The following APOL4 variants were observed in gnomAD, a reference collection of about 807,000 sequenced individuals.
APOL4 encodes apolipoprotein L, 4.
A neutral mutation model predicts 12.1 loss-of-function variants in APOL4; 14 were observed. That is an observed-to-expected ratio of 1.16 (90% CI 0.76 to 1.81). APOL4 has a LOEUF of 1.81. APOL4 is among the 40% of genes most tolerant of loss of function. The pLI, the probability that APOL4 is intolerant of heterozygous loss-of-function variation, is 0.00. For synonymous variants in APOL4, 171 were observed against 160.6 expected (o/e 1.06, Z -0.49); for missense variants, 432 against 423.1 (o/e 1.02, Z -0.18).
intron 1 of APOL4, 69 bp from the exon 2 acceptor site, chr22:36,199,445 G>A: frequency 6.2e-7 from 1 of 1,613,018 alleles, no homozygotes; most frequent in South Asian, 1.1e-5. Flanking sequence ...GGCTTGAACA[G>A]CTGGGCCTCT....
In APOL4 at chr22:36,201,791, T is replaced by G; in HGVS notation, c.-57A>C. 6.3e-7 allele frequency: 1 copy of G among 1,583,134 alleles called. No homozygotes were observed. Among genetic ancestry groups the G allele is most frequent in the Non-Finnish European group, 8.6e-7 (1 of 1,164,202 alleles). On this transcript the variant is annotated 5_prime_UTR_variant, in exon 1 of 4. Coordinates refer to ENST00000683024, the MANE Select transcript of APOL4 (RefSeq NM_001386885.1). ...GCTGATCTGGGGCCTCTGCTGAATG[T>G]TGAGGCTGGATACTGACTGTTAGCC...
At chr22:36,197,421 G>T in intron 2 of APOL4, 1 of 537,774 alleles carries the variant, frequency 1.9e-6, no homozygotes, top group Non-Finnish European at 2.9e-6. Flanking sequence ...TCACCAAAAG[G>T]AGGAAGGAAA....
At chr22:36,193,998 G>A (rs1186011008) in intron 3 of APOL4, among the ~76,000 whole-genome samples, 1 of 152,176 alleles carries the variant, frequency 6.6e-6, no homozygotes, top group Non-Finnish European at 1.5e-5. Context: ...TTTCATGGAA[G>A]CTCTTGAGGA....
chr22:36,190,356 T>C lies in APOL4; in HGVS notation c.*719A>G, dbSNP rs564333935. On this transcript the variant is annotated 3_prime_UTR_variant, in exon 4 of 4. Transcript: ENST00000683024. ...ATGAGGTTTCGGGCACCATTGTCAT[T>C]GATAACATCTTATCAGGAGACAGGG... 67 of 152,358 alleles carry C rather than the reference T, an allele frequency of 4.4e-4. No individual in the cohort carries two copies. The highest frequency in any genetic ancestry group is 1.6e-3 in the African/African-American group (65 of 41,578). 9.4% of individuals were successfully genotyped at this position (152,358 alleles called of 1,614,324 possible).
chr22:36,191,876 A>G lies in APOL4; in HGVS notation c.246T>C (p.Asn82=), dbSNP rs888584406. The change falls in exon 4 of 4, where the codon AAT becomes AAC. Residue 82 remains asparagine (N), a synonymous_variant. Coordinates refer to ENST00000683024, the MANE Select transcript of APOL4 (RefSeq NM_001386885.1). ...CCTCAATAGCCACATATGGTGTAAG[A>G]TTCTTCAGAGCTTCATAGAGAGCAT... ...EADALYEALK[N]LTPYVAIEDK... 1 of 1,609,792 alleles carries G rather than the reference A, an allele frequency of 6.2e-7. No homozygotes were observed. The highest frequency in any genetic ancestry group is 8.5e-7 in the Non-Finnish European group (1 of 1,179,350).
At chr22:36,197,156 GCCCAGC>G (rs1293230801) in intron 2 of APOL4, among the ~76,000 whole-genome samples, 1 of 151,934 alleles carries the variant, frequency 6.6e-6, no homozygotes, top group Non-Finnish European at 1.5e-5. Flanking sequence ...TGGCCGCCCA[GCCCAGC>G]CCTTCCTAAG....
In APOL4 at chr22:36,191,368, C is replaced by G; in HGVS notation, c.754G>C (p.Ala252Pro). The change falls in exon 4 of 4, where the codon GCC (alanine) becomes CCC (proline). Residue 252 changes from alanine (A) to proline (P), a missense_variant. By Grantham distance (27) the Ala-to-Pro change is conservative. Coordinates refer to ENST00000683024, the MANE Select transcript of APOL4 (RefSeq NM_001386885.1). ...GCAATCAAAGGGCGTCCAACAGTGG[C>G]TTTAGATCTCCTGAGTGTATGGACA... ...NDVHTLRRSK[A>P]TVGRPLIAWR... The G allele has an allele frequency of 1.2e-6, 2 of 1,614,046 alleles. No homozygotes were observed. The highest frequency in any genetic ancestry group is 2.2e-5 in the South Asian group (2 of 91,084).
chr22:36,200,646 C>T (rs2014543975), intron 1 of APOL4, among the ~76,000 whole-genome samples: 1 of 152,200 alleles, frequency 6.6e-6, no homozygotes, highest in Non-Finnish European at 1.5e-5. Flanking sequence ...ATTTTATTTC[C>T]TTAAGATATT....
rs140403546 is a variant in APOL4, at chr22:36,195,531, C to G, written c.83-94G>C. 7.5e-4 allele frequency: 1,071 copies of G among 1,421,514 alleles called. 8 individuals carry two copies. In the African/African-American group the frequency reaches 0.013, roughly 18 times the overall value. 88.1% of individuals were successfully genotyped at this position (1,421,514 alleles called of 1,614,324 possible). On this transcript the variant is annotated intron_variant, in intron 2 of 3. Transcript: ENST00000683024. ...GTGGTTCGGTGTTAATCCTCCTGAACCAGCTGTCACATGGGGTATTTTTGA... is the reference window on the plus strand; with the variant it reads ...GTGGTTCGGTGTTAATCCTCCTGAAGCAGCTGTCACATGGGGTATTTTTGA...
intron 3 of APOL4, among the ~76,000 whole-genome samples, chr22:36,192,722 T>C (rs1357182294): frequency 1.3e-5 from 2 of 152,114 alleles, no homozygotes. Context: ...GTTTCCCTGG[T>C]GGTTTGGCTA....
intron 1 of APOL4, among the ~76,000 whole-genome samples, chr22:36,200,820 C>T (rs919521558): frequency 2.0e-5 from 3 of 152,074 alleles, no homozygotes; most frequent in African/African-American, 7.2e-5. Context: ...TTTATCAGGA[C>T]AAAAAATATA....
At chr22:36,200,161 G>A (rs1414029269) in intron 1 of APOL4, among the ~76,000 whole-genome samples, 1 of 152,176 alleles carries the variant, frequency 6.6e-6, no homozygotes, top group African/African-American at 2.4e-5. Flanking sequence ...ACACAGCCCG[G>A]GAGATGGGTA....
At chr22:36,192,326 C>T (rs889120520) in intron 3 of APOL4, among the ~76,000 whole-genome samples, 2 of 151,974 alleles carry the variant, frequency 1.3e-5, no homozygotes, top group Admixed American at 6.6e-5. Flanking sequence ...GGCGACAGAG[C>T]GAGACTCCAT....
In APOL4 at chr22:36,191,829, T is replaced by C. The variant is rs2014264577; in HGVS notation, c.293A>G (p.Glu98Gly). Residue 98 changes from glutamate (E) to glycine (G), a missense_variant, in exon 4 of 4, where the codon GAA (glutamate) becomes GGA (glycine). Physicochemically the swap from Glu to Gly is moderately conservative, Grantham distance 98. Coordinates refer to ENST00000683024, the MANE Select transcript of APOL4 (RefSeq NM_001386885.1). ...CAAAAACCACTCCCTAAACTGCTGT[T>C]CTTTTTGCTGCATGTCTTTGTCCTC... ...AIEDKDMQQK[E>G]QQFREWFLKE... 6.2e-7 allele frequency: 1 copy of C among 1,613,832 alleles called. No homozygotes were observed. Among genetic ancestry groups the C allele is most frequent in the African/African-American group, 1.3e-5 (1 of 74,916 alleles).
chr22:36,202,703 G>T (rs1171358237), upstream of APOL4, among the ~76,000 whole-genome samples: 1 of 151,500 alleles, frequency 6.6e-6, no homozygotes, highest in Non-Finnish European at 1.5e-5. Context: ...TCCAGCCTGG[G>T]CAACAGAGCG....
intron 2 of APOL4, among the ~76,000 whole-genome samples, chr22:36,198,993 G>A (rs1396080275): frequency 6.6e-6 from 1 of 152,220 alleles, no homozygotes; most frequent in Non-Finnish European, 1.5e-5. Flanking sequence ...GCTACTCCTG[G>A]CCAACCCTCA....
chr22:36,204,639 CCT>C (rs2014674883), upstream of APOL4: 1 of 727,984 alleles, frequency 1.4e-6, no homozygotes, highest in African/African-American at 1.9e-5. Context: ...AAGGGATCTT[CCT>C]CTGACAGAGA....
At chr22:36,201,916 C>T (rs986509015), upstream of APOL4, 1 of 1,610,778 alleles carries the variant, frequency 6.2e-7, no homozygotes. Flanking sequence ...GCTCCTGGCC[C>T]AGCCCAAGCC....
At chr22:36,202,102 A>G (rs1603478704), upstream of APOL4, 1 of 1,611,158 alleles carries the variant, frequency 6.2e-7, no homozygotes, top group Non-Finnish European at 8.5e-7. Context: ...CTCCTGAGAA[A>G]TCACCATTTT....
Sources: allele counts gnomAD v4.1 joint callset (sites outside exome capture counted in the v4.1 genomes callset), GRCh38; gene constraint gnomAD v4.1.1; transcripts MANE v1.5; gene names NCBI Gene and HGNC (gene_info 2026-07-23, HGNC 2026-07-21).